GPM6A: variants seen among roughly 807,000 people sequenced by gnomAD.
GPM6A encodes glycoprotein M6A.
A neutral mutation model predicts 32.1 loss-of-function variants in GPM6A; 7 were observed. The observed-to-expected ratio is 0.22, with a 90% confidence interval of 0.12 to 0.41. GPM6A has a LOEUF of 0.41. Among genes scored for constraint, GPM6A ranks in the 10% least tolerant of loss-of-function variants. GPM6A has a pLI of 1.00. For synonymous variants in GPM6A, 130 were observed against 123.4 expected (o/e 1.05, Z -0.35); for missense variants, 235 against 347.2 (o/e 0.68, Z 2.57).
intron 1 of GPM6A, among the ~76,000 whole-genome samples, chr4:175,879,921 C>T (rs1489008595): frequency 6.6e-6 from 1 of 152,120 alleles, no homozygotes; most frequent in African/African-American, 2.4e-5. Context: ...AATTTGCAAT[C>T]AAAAGCATTT....
intron 4 of GPM6A, chr4:175,641,575 T>G (rs1035381056): frequency 6.6e-6 from 1 of 152,220 alleles, no homozygotes; most frequent in Non-Finnish European, 1.5e-5. Context: ...TTCTGAACTC[T>G]TGAAGTGCTA....
chr4:175,963,907 A>G (rs1453062925), intron 1 of GPM6A, among the ~76,000 whole-genome samples: 1 of 152,150 alleles, frequency 6.6e-6, no homozygotes, highest in African/African-American at 2.4e-5. Context: ...ATCTGTGGTA[A>G]TATAGTATTG....
At chr4:175,637,666 AT>A in intron 6 of GPM6A, among the ~76,000 whole-genome samples, 1 of 550 alleles carries the variant, frequency 1.8e-3, no homozygotes, top group East Asian at 0.1. Flanking sequence ...AAAATATATA[AT>A]ATATATAATA....
chr4:175,692,574 A>T (rs1744357389), intron 2 of GPM6A, among the ~76,000 whole-genome samples: 1 of 152,052 alleles, frequency 6.6e-6, no homozygotes, highest in Admixed American at 6.6e-5. Context: ...TTCTTTTATA[A>T]AATTAGGAGC....
chr4:175,882,181 T>C (rs1247434576), intron 1 of GPM6A, among the ~76,000 whole-genome samples: 2 of 152,008 alleles, frequency 1.3e-5, no homozygotes, highest in South Asian at 2.1e-4. Context: ...GACATAATTG[T>C]TTTCCATTGT....
At chr4:175,648,202 A>T (rs1045965912) in intron 4 of GPM6A, among the ~76,000 whole-genome samples, 5 of 152,148 alleles carry the variant, frequency 3.3e-5, no homozygotes, top group Non-Finnish European at 7.4e-5. Flanking sequence ...TAATGGGATG[A>T]AACCTTTGGA....
chr4:175,703,079 T>G (rs1744967926), intron 1 of GPM6A, among the ~76,000 whole-genome samples: 1 of 152,178 alleles, frequency 6.6e-6, no homozygotes, highest in South Asian at 2.1e-4. Context: ...CTCATGAGCA[T>G]TAAATGAGTT....
intron 1 of GPM6A, among the ~76,000 whole-genome samples, chr4:175,913,744 C>T (rs776748058): frequency 2.6e-5 from 4 of 152,138 alleles, no homozygotes; most frequent in Non-Finnish European, 5.9e-5. Context: ...CAAAACGTCA[C>T]TTTCTCAATG....
At chr4:175,970,905 C>A in intron 1 of GPM6A, 1 of 455,828 alleles carries the variant, frequency 2.2e-6, no homozygotes, top group Non-Finnish European at 4.4e-6. Flanking sequence ...CCGACAGACC[C>A]TTTTTTTTCC....
At chr4:175,914,421 A>G (rs1036013399) in intron 1 of GPM6A, among the ~76,000 whole-genome samples, 5 of 152,078 alleles carry the variant, frequency 3.3e-5, no homozygotes, top group Non-Finnish European at 7.4e-5. Context: ...TCCCGGGTTC[A>G]AGTGATTTCT....
chr4:175,655,186 A>ATAT (rs1742014523), intron 3 of GPM6A, among the ~76,000 whole-genome samples: 1 of 152,148 alleles, frequency 6.6e-6, no homozygotes, highest in African/African-American at 2.4e-5. Context: ...CGGTGAGAAA[A>ATAT]TATTTTCATT....
At position 175,645,225 on chromosome 4, in the gene GPM6A, T is replaced by C. The variant is rs148355374; in HGVS notation, c.542-4396A>G. ...GCAGTAACGGGCTTCTTTAGTACCT[T>C]ATATTTTTCATGCTAGCTAAACACA... On this transcript the variant is annotated intron_variant, in intron 4 of 6. Coordinates refer to ENST00000393658, the MANE Select transcript of GPM6A (RefSeq NM_201591.3). Among the ~76,000 whole-genome samples, 24 of 152,316 alleles carry C rather than the reference T, an allele frequency of 1.6e-4. No homozygotes were observed. The South Asian group carries it at 2.3e-3, about 14-fold the overall frequency.
chr4:175,962,656 C>T (rs1740204269), intron 1 of GPM6A, among the ~76,000 whole-genome samples: 1 of 152,082 alleles, frequency 6.6e-6, no homozygotes, highest in African/African-American at 2.4e-5. Flanking sequence ...GCCTATGGCA[C>T]CTACAGCAAA....
chr4:175,966,041 A>C (rs1289729195), intron 1 of GPM6A, among the ~76,000 whole-genome samples: 1 of 152,152 alleles, frequency 6.6e-6, no homozygotes, highest in Non-Finnish European at 1.5e-5. Flanking sequence ...AATCCACCAA[A>C]ACTTACACAT....
intron 1 of GPM6A, among the ~76,000 whole-genome samples, chr4:175,910,937 G>A (rs539376775): frequency 6.6e-6 from 1 of 152,298 alleles, no homozygotes; most frequent in Admixed American, 6.5e-5. Flanking sequence ...AATGGGGTTT[G>A]GCCCGAGGTC....
chr4:175,793,256 T>C (rs1346272371), intron 1 of GPM6A, among the ~76,000 whole-genome samples: 1 of 152,220 alleles, frequency 6.6e-6, no homozygotes, highest in Non-Finnish European at 1.5e-5. Context: ...CTCTGAGCTA[T>C]CCAGGACCCT....
At chr4:175,959,081 C>A (rs189743208) in intron 1 of GPM6A, among the ~76,000 whole-genome samples, 1 of 151,868 alleles carries the variant, frequency 6.6e-6, no homozygotes, top group Non-Finnish European at 1.5e-5. Flanking sequence ...GAATAGTAGA[C>A]GGAAGGAAAA....
chr4:175,675,147 C>T (rs1049749089), intron 2 of GPM6A, among the ~76,000 whole-genome samples: 10 of 151,734 alleles, frequency 6.6e-5, no homozygotes, highest in Non-Finnish European at 1.2e-4. Flanking sequence ...CATACATATG[C>T]TCCAAATAAT....
chr4:175,819,138 A>G (rs1735200426), intron 1 of GPM6A, among the ~76,000 whole-genome samples: 2 of 152,214 alleles, frequency 1.3e-5, no homozygotes, highest in Non-Finnish European at 1.5e-5. Flanking sequence ...GGCAGAAAGC[A>G]TGAGGGGTTA....
Sources: gnomAD v4.1 joint callset for allele counts (sites outside exome capture counted in the v4.1 genomes callset) on GRCh38, gnomAD v4.1.1 for gene constraint, MANE v1.5 for transcripts, NCBI Gene and HGNC (gene_info 2026-07-23, HGNC 2026-07-21) for gene names.